TRIO: variants seen among roughly 807,000 people sequenced by gnomAD.
The protein encoded by TRIO is trio Rho guanine nucleotide exchange factor.
A neutral mutation model predicts 351.9 loss-of-function variants in TRIO; 58 were observed. The ratio of observed to expected loss-of-function variants is 0.16; its 90% CI spans 0.13 to 0.21. The LOEUF (loss-of-function observed/expected upper bound fraction) is 0.21. Ranked by LOEUF, TRIO falls within the 10% of genes least tolerant of loss-of-function variation. TRIO has a pLI of 1.00. For missense variants in TRIO, 3,201 were observed against 4,027.8 expected, an observed-to-expected ratio of 0.79 and a Z score of 5.56; for synonymous variants, 1,758 against 1,595.7, an observed-to-expected ratio of 1.10 and a Z score of -2.42.
chr5:14,206,825 G>C (rs950478080), intron 1 of TRIO, among the ~76,000 whole-genome samples: 4 of 152,216 alleles, frequency 2.6e-5, no homozygotes, highest in Admixed American at 2.6e-4. Flanking sequence ...TTTGGTGCAT[G>C]TCCAGTTAGG....
intron 1 of TRIO, among the ~76,000 whole-genome samples, chr5:14,212,743 C>T (rs1791985046): frequency 6.6e-6 from 1 of 152,082 alleles, no homozygotes; most frequent in Admixed American, 6.5e-5. Context: ...TTGATTATAG[C>T]CAGGAAGTTA....
chr5:14,507,788 TTC>T (rs774397285), intron 56 of TRIO, 90 bp from the exon 57 acceptor site: 475 of 1,463,778 alleles, frequency 3.2e-4, no homozygotes, highest in Non-Finnish European at 3.7e-4. Context: ...ACATCCTAGA[TTC>T]CTTCCACCTC....
rs147024959 is a variant in TRIO, at chr5:14,350,980, T to C, written c.2047-7198T>C. Among the ~76,000 whole-genome samples, 367 of 152,218 alleles carry C rather than the reference T, an allele frequency of 2.4e-3. 1 individual carries two copies. Among genetic ancestry groups the C allele is most frequent in the African/African-American group, 8.6e-3 (356 of 41,538 alleles). ...CAACCTGGATTCCTCGCATGCACAA[T>C]TCACAGTAGGGTTCACAGTCCTGTG... is the stretch of plus-strand genomic sequence containing the variant. On this transcript the variant is annotated intron_variant, in intron 11 of 56. Transcript: ENST00000344204.
chr5:14,381,947 C>T lies in TRIO; in HGVS notation c.3570+695C>T, dbSNP rs183870731. Among the ~76,000 whole-genome samples, 399 of 152,292 alleles carry T rather than the reference C, an allele frequency of 2.6e-3. 1 individual carries two copies. Among genetic ancestry groups the T allele is most frequent in the African/African-American group, 9.1e-3 (379 of 41,550 alleles). ...ATGTTGTCCCAATTAAGGCTTATACCTGCAGAGGCTGAGTCCTTCCAAGAA... is the reference window on the plus strand; with the variant it reads ...ATGTTGTCCCAATTAAGGCTTATACTTGCAGAGGCTGAGTCCTTCCAAGAA... On this transcript the variant is annotated intron_variant, in intron 21 of 56. Transcript: ENST00000344204.
At chr5:14,482,116 C>T (rs761184734) in intron 45 of TRIO, among the ~76,000 whole-genome samples, 6 of 152,138 alleles carry the variant, frequency 3.9e-5, no homozygotes, top group Non-Finnish European at 7.3e-5. Context: ...AATTTGACTA[C>T]GGAGTTAAGG....
chr5:14,439,399 A>G (rs1751847513), intron 34 of TRIO, among the ~76,000 whole-genome samples: 1 of 152,190 alleles, frequency 6.6e-6, no homozygotes, highest in Admixed American at 6.5e-5. Context: ...TTTAAGCTTA[A>G]TCCTCTTTTC....
At chr5:14,461,940 A>G (rs1430632143) in intron 35 of TRIO, among the ~76,000 whole-genome samples, 3 of 152,222 alleles carry the variant, frequency 2.0e-5, no homozygotes, top group African/African-American at 4.8e-5. Flanking sequence ...TTTATGTCCT[A>G]TTGACAAGGG....
intron 40 of TRIO, among the ~76,000 whole-genome samples, 189 bp downstream of exon 40, chr5:14,474,286 T>A (rs1043079804): frequency 6.6e-6 from 1 of 151,948 alleles, no homozygotes; most frequent in Admixed American, 6.5e-5. Context: ...ACGGAGAGAG[T>A]CTTGTCTCTT....
chr5:14,249,466 G>A lies in TRIO; in HGVS notation c.158-21359G>A, dbSNP rs577915957. Among the ~76,000 whole-genome samples, 10 of 152,284 alleles carry A rather than the reference G, an allele frequency of 6.6e-5. No homozygotes were observed. The South Asian group carries it at 1.4e-3, about 22-fold the overall frequency. Reference sequence around the variant, plus strand: ...TGAACTTTCTGGACTTTCGAGGGGGGAATTGCCAATGGAGAATGGGTTCAT... The same window carrying A: ...TGAACTTTCTGGACTTTCGAGGGGGAAATTGCCAATGGAGAATGGGTTCAT... On this transcript the variant is annotated intron_variant, in intron 1 of 56. Transcript: ENST00000344204.
Position 14,420,041 on chromosome 5 carries a change from G to A in TRIO, c.5203+20G>A, listed in dbSNP as rs56207939. The A allele has an allele frequency of 0.084, 135,338 of 1,605,294 alleles. 11,019 individuals are homozygous for A. Among genetic ancestry groups the A allele is most frequent in the African/African-American group, 0.44 (32,727 of 74,868 alleles). On this transcript the variant is annotated intron_variant, in intron 34 of 56. Transcript: ENST00000344204. ...ACAAAGGTAGGAATCAGTGGGGCAT[G>A]GGTGGCAGACCCCTACTGGAAGTGG... is the stretch of plus-strand genomic sequence containing the variant.
chr5:14,218,211 G>C (rs1792348263), intron 1 of TRIO, among the ~76,000 whole-genome samples: 1 of 152,200 alleles, frequency 6.6e-6, no homozygotes, highest in East Asian at 1.9e-4. Context: ...GCACAGACCT[G>C]CCTGGACCCC....
intron 53 of TRIO, among the ~76,000 whole-genome samples, chr5:14,502,224 AAG>A (rs1157648786): frequency 2.0e-5 from 3 of 152,188 alleles, no homozygotes; most frequent in Non-Finnish European, 2.9e-5. Context: ...TAGAAGCAAA[AAG>A]AGGCCACATA....
chr5:14,497,322 G>A lies in TRIO; in HGVS notation c.8019+305G>A, dbSNP rs1413112205. ...AGACTAGGTTCTCAGAAGCAGCGAA[G>A]GTGCAGAGAAGCTATGGCTCAGGCT... On this transcript the variant is annotated intron_variant, in intron 50 of 56. Coordinates refer to ENST00000344204, the MANE Select transcript of TRIO (RefSeq NM_007118.4). This position sits in a 1 kb window ranked among gnomAD's most constrained non-coding sequence, Gnocchi z 4.4. Among the ~76,000 whole-genome samples the A allele has an allele frequency of 6.6e-6, 1 of 152,230 alleles. No homozygotes were observed. Among genetic ancestry groups the A allele is most frequent in the Non-Finnish European group, 1.5e-5 (1 of 68,048 alleles).
At chr5:14,370,548 T>C (rs570227706) in intron 18 of TRIO, among the ~76,000 whole-genome samples, 24 of 152,308 alleles carry the variant, frequency 1.6e-4, no homozygotes, top group African/African-American at 5.8e-4. Context: ...CTTAACACTT[T>C]CTGTGTTTTT....
At chr5:14,202,331 G>T (rs201732569) in intron 1 of TRIO, among the ~76,000 whole-genome samples, 2,372 of 18,172 alleles carry the variant, frequency 0.13, 90 homozygotes, top group East Asian at 0.32. Flanking sequence ...TTTTTTTTTT[G>T]CTCATCAGCT....
chr5:14,294,898 T>C (rs968932986), intron 6 of TRIO, among the ~76,000 whole-genome samples: 6 of 152,210 alleles, frequency 3.9e-5, no homozygotes, highest in Non-Finnish European at 8.8e-5. Context: ...GTAAGAAACT[T>C]AAAAGTATGA....
Position 14,330,906 on chromosome 5 carries a change from A to C in TRIO, c.1854+6A>C. ...ATTTTGAAGAAGTGGCACAGGTAAA[A>C]CAATGGCTTCTATTATTTTATCCCA... On this transcript the variant is annotated splice_donor_region_variant and intron_variant, in intron 10 of 56. Coordinates refer to ENST00000344204, the MANE Select transcript of TRIO (RefSeq NM_007118.4). 1 of 1,613,872 alleles carries C rather than the reference A, an allele frequency of 6.2e-7. No individual in the cohort carries two copies. The highest frequency in any genetic ancestry group is 1.3e-5 in the African/African-American group (1 of 75,036).
chr5:14,397,879 T>C (rs1747744560), intron 29 of TRIO, among the ~76,000 whole-genome samples: 1 of 152,140 alleles, frequency 6.6e-6, no homozygotes, highest in Admixed American at 6.6e-5. Context: ...CTTCATGATG[T>C]CATCCAGGAC....
At chr5:14,249,325 A>G (rs967145058) in intron 1 of TRIO, among the ~76,000 whole-genome samples, 2 of 152,220 alleles carry the variant, frequency 1.3e-5, no homozygotes, top group Non-Finnish European at 2.9e-5. Context: ...GAGCCCGCCC[A>G]TGGTTAGGCT....
Sources: gnomAD v4.1 joint callset for allele counts (sites outside exome capture counted in the v4.1 genomes callset) on GRCh38, gnomAD v4.1.1 for gene constraint, Gnocchi (gnomAD v3.1) non-coding constraint, MANE v1.5 for transcripts, NCBI Gene and HGNC (gene_info 2026-07-23, HGNC 2026-07-21) for gene names.